COL5A2: variants seen among roughly 807,000 people sequenced by gnomAD.
COL5A2 encodes the protein collagen alpha-2(V) chain.
In COL5A2, 23 loss-of-function variants were observed where a neutral mutation model predicts 208.2. The ratio of observed to expected loss-of-function variants is 0.11; its 90% CI spans 0.08 to 0.16. The LOEUF is 0.16. Ranked by LOEUF, COL5A2 falls within the 10% of genes least tolerant of loss-of-function variation. The probability of loss-of-function intolerance (pLI) is 1.00; values close to 1 mark genes in which losing one functional copy is unlikely to be tolerated. For synonymous variants in COL5A2, 625 were observed against 628.5 expected (o/e 0.99, Z 0.08); for missense variants, 1,590 against 1,956.4 (o/e 0.81, Z 3.53).
intron 1 of COL5A2, among the ~76,000 whole-genome samples, chr2:189,135,411 G>T (rs1687808803): frequency 6.6e-6 from 1 of 152,178 alleles, no homozygotes; most frequent in African/African-American, 2.4e-5. Flanking sequence ...TGAATCTGCA[G>T]AGTACATATC....
the COL5A2 span, among the ~76,000 whole-genome samples, chr2:189,417,439 CT>C: frequency 2.0e-5 from 3 of 150,162 alleles, no homozygotes; most frequent in African/African-American, 4.9e-5. Flanking sequence ...CCTTACTATT[CT>C]TTTTTTTTCA....
At chr2:189,179,478 C>T (rs1317429743) in intron 1 of COL5A2, 30 bp downstream of exon 1, 1 of 1,604,540 alleles carries the variant, frequency 6.2e-7, no homozygotes, top group Non-Finnish European at 8.5e-7. Context: ...GTGCAATAAA[C>T]ACTACAAGCA....
chr2:189,312,107 A>G, the COL5A2 span: 1 of 813,882 alleles, frequency 1.2e-6, no homozygotes, highest in East Asian at 2.4e-5. Context: ...CATTGTCCAC[A>G]GCATTTGCGA....
chr2:189,437,816 G>A, the COL5A2 span, among the ~76,000 whole-genome samples: 30 of 152,082 alleles, frequency 2.0e-4, no homozygotes, highest in African/African-American at 6.8e-4. Context: ...ATACAAAATC[G>A]ATGTAATCTG....
intron 11 of COL5A2, among the ~76,000 whole-genome samples, chr2:189,084,716 T>C (rs1022485404): frequency 3.3e-5 from 5 of 152,204 alleles, no homozygotes; most frequent in African/African-American, 9.6e-5. Context: ...AAAAATCCAA[T>C]TGAAGAAATC....
the COL5A2 span, among the ~76,000 whole-genome samples, chr2:189,333,679 T>C: frequency 6.6e-6 from 1 of 152,034 alleles, no homozygotes; most frequent in Non-Finnish European, 1.5e-5. Flanking sequence ...ACTGATGTTC[T>C]TATAAAAAGA....
chr2:189,164,208 G>A (rs1339211315), intron 1 of COL5A2, among the ~76,000 whole-genome samples: 3 of 152,148 alleles, frequency 2.0e-5, no homozygotes, highest in Non-Finnish European at 4.4e-5. Context: ...CAGGCTTTTA[G>A]CGTTTAACTT....
At chr2:189,138,720 T>C (rs765564263) in intron 1 of COL5A2, among the ~76,000 whole-genome samples, 1 of 151,732 alleles carries the variant, frequency 6.6e-6, no homozygotes, top group Non-Finnish European at 1.5e-5. Flanking sequence ...AAAAAGTACA[T>C]ACACACAAAA....
the COL5A2 span, among the ~76,000 whole-genome samples, chr2:189,356,349 TC>T: frequency 6.6e-6 from 1 of 152,204 alleles, no homozygotes; most frequent in South Asian, 2.1e-4. Context: ...GTCTCCATTC[TC>T]CCCGTCACTT....
At chr2:189,151,394 A>G (rs1688138928) in intron 1 of COL5A2, among the ~76,000 whole-genome samples, 1 of 152,198 alleles carries the variant, frequency 6.6e-6, no homozygotes, top group Non-Finnish European at 1.5e-5. Context: ...CAGAGCAAAG[A>G]CAATCTAGAT....
the COL5A2 span, among the ~76,000 whole-genome samples, chr2:189,326,774 T>C: frequency 2.0e-5 from 3 of 150,684 alleles, no homozygotes; most frequent in Non-Finnish European, 4.4e-5. Context: ...ATAACATCTA[T>C]AAAAATCAAA....
chr2:189,338,541 C>T, the COL5A2 span, among the ~76,000 whole-genome samples: 1 of 151,984 alleles, frequency 6.6e-6, no homozygotes, highest in African/African-American at 2.4e-5. Context: ...TTCTTTTCTC[C>T]CCAAGTCCCC....
At chr2:189,142,439 A>T (rs1245247702) in intron 1 of COL5A2, among the ~76,000 whole-genome samples, 4 of 152,126 alleles carry the variant, frequency 2.6e-5, no homozygotes. Context: ...AACATTATTT[A>T]TACAAATGTA....
chr2:189,303,945 G>A, the COL5A2 span, among the ~76,000 whole-genome samples: 2 of 152,018 alleles, frequency 1.3e-5, no homozygotes, highest in African/African-American at 4.8e-5. Flanking sequence ...CATTTAATTT[G>A]GCTGACGTTT....
the COL5A2 span, among the ~76,000 whole-genome samples, chr2:189,431,510 T>C: frequency 3.3e-5 from 5 of 152,142 alleles, no homozygotes; most frequent in African/African-American, 7.2e-5. Flanking sequence ...AATGACCTGA[T>C]AGAGCTGAAA....
At chr2:189,116,153 G>T (rs918779295) in intron 1 of COL5A2, among the ~76,000 whole-genome samples, 2 of 152,202 alleles carry the variant, frequency 1.3e-5, no homozygotes, top group Non-Finnish European at 2.9e-5. Context: ...GTCCTTGAGG[G>T]ACTATAATCA....
chr2:189,403,307 TG>T, the COL5A2 span, among the ~76,000 whole-genome samples: 1 of 152,238 alleles, frequency 6.6e-6, no homozygotes, highest in Non-Finnish European at 1.5e-5. Flanking sequence ...AAAAAGCTTT[TG>T]GGTTGAGACG....
At chr2:189,321,714 A>G in the COL5A2 span, among the ~76,000 whole-genome samples, 10 of 152,330 alleles carry the variant, frequency 6.6e-5, no homozygotes, top group East Asian at 1.9e-3. Flanking sequence ...TTAGACTCCC[A>G]CACAATAATG....
chr2:189,148,601 C>T (rs1369759834), intron 1 of COL5A2, among the ~76,000 whole-genome samples: 1 of 152,114 alleles, frequency 6.6e-6, no homozygotes, highest in African/African-American at 2.4e-5. Flanking sequence ...AAACATGAGT[C>T]CATATTGCCC....
Sources: gnomAD v4.1 joint callset for allele counts (sites outside exome capture counted in the v4.1 genomes callset) on GRCh38, gnomAD v4.1.1 for gene constraint, MANE v1.5 for transcripts, NCBI Gene and HGNC (gene_info 2026-07-23, HGNC 2026-07-21) for gene names.